Variants in MAF observed in about 807,000 individuals in gnomAD.
MAF encodes transcription factor Maf.
MAF carries 10 observed loss-of-function variants against 22.0 expected under a neutral mutation model. The ratio of observed to expected loss-of-function variants is 0.45; its 90% CI spans 0.28 to 0.77. MAF has a LOEUF of 0.77. MAF is among the 30% of genes least tolerant of loss of function. MAF has a pLI of 0.12. For synonymous variants in MAF, 337 were observed against 255.8 expected (o/e 1.32, Z -3.03); for missense variants, 544 against 548.4 (o/e 0.99, Z 0.08).
the MAF span, among the ~76,000 whole-genome samples, chr16:79,416,400 C>T: frequency 6.6e-6 from 1 of 151,602 alleles, no homozygotes; most frequent in Non-Finnish European, 1.5e-5. Context: ...AGGCTTTACT[C>T]TTACAAACTC....
At chr16:79,555,827 T>C in the MAF span, among the ~76,000 whole-genome samples, 1 of 152,128 alleles carries the variant, frequency 6.6e-6, no homozygotes, top group African/African-American at 2.4e-5. Flanking sequence ...ACCAAACAGA[T>C]AACACAGATA....
the MAF span, among the ~76,000 whole-genome samples, chr16:79,362,358 C>T: frequency 5.3e-5 from 8 of 152,146 alleles, no homozygotes; most frequent in Non-Finnish European, 1.2e-4. Context: ...CACACAGATG[C>T]CTTGAATATA....
chr16:79,512,073 C>T, the MAF span, among the ~76,000 whole-genome samples: 2 of 152,078 alleles, frequency 1.3e-5, no homozygotes, highest in African/African-American at 4.8e-5. Context: ...TTGATTATTC[C>T]CTGTGATGGC....
At chr16:79,379,530 C>G in the MAF span, among the ~76,000 whole-genome samples, 3 of 142,890 alleles carry the variant, frequency 2.1e-5, no homozygotes, top group African/African-American at 8.1e-5. Flanking sequence ...CACACACACA[C>G]AACTAGCGGG....
chr16:79,212,174 T>C, the MAF span: 1 of 1,478,886 alleles, frequency 6.8e-7, no homozygotes, highest in Non-Finnish European at 8.9e-7. Context: ...CGGCCACCAC[T>C]GCAGCCGGGG....
At chr16:79,246,539 TTGG>T in the MAF span, among the ~76,000 whole-genome samples, 1 of 57,246 alleles carries the variant, frequency 1.7e-5, no homozygotes, top group African/African-American at 8.3e-5. Context: ...CAGGTTTTTT[TTGG>T]GGGGGGTGTG....
At chr16:79,587,683 T>C (rs1912930334) in intron 1 of MAF, among the ~76,000 whole-genome samples, 2 of 152,156 alleles carry the variant, frequency 1.3e-5, no homozygotes, top group African/African-American at 4.8e-5. Flanking sequence ...GACCATATCA[T>C]TGATAGTCTC....
At chr16:79,517,032 T>A in the MAF span, among the ~76,000 whole-genome samples, 1 of 152,248 alleles carries the variant, frequency 6.6e-6, no homozygotes, top group African/African-American at 2.4e-5. Context: ...TTTTTTATTT[T>A]TTTTTTCTCC....
At chr16:79,558,677 A>C in the MAF span, among the ~76,000 whole-genome samples, 1 of 152,154 alleles carries the variant, frequency 6.6e-6, no homozygotes, top group Non-Finnish European at 1.5e-5. Context: ...GGCCCTGAGG[A>C]TACACCGTTG....
At chr16:79,557,549 C>G in the MAF span, among the ~76,000 whole-genome samples, 3 of 152,044 alleles carry the variant, frequency 2.0e-5, no homozygotes, top group Non-Finnish European at 4.4e-5. Context: ...TTACTACTTA[C>G]GTGGCCTTGG....
chr16:79,472,546 C>A, the MAF span, among the ~76,000 whole-genome samples: 180 of 152,156 alleles, frequency 1.2e-3, no homozygotes, highest in African/African-American at 4.2e-3. Flanking sequence ...GATTCCATCT[C>A]TTTAAAATGT....
chr16:79,277,678 C>A, the MAF span, among the ~76,000 whole-genome samples: 1 of 152,178 alleles, frequency 6.6e-6, no homozygotes, highest in Admixed American at 6.5e-5. Flanking sequence ...TCAAACTATC[C>A]CTTCCTCTCT....
At chr16:79,218,578 T>C in the MAF span, among the ~76,000 whole-genome samples, 1 of 152,220 alleles carries the variant, frequency 6.6e-6, no homozygotes, top group Non-Finnish European at 1.5e-5. Context: ...TACAACCTTA[T>C]CAACACAGGG....
the MAF span, among the ~76,000 whole-genome samples, chr16:79,301,327 T>G: frequency 6.6e-6 from 1 of 152,070 alleles, no homozygotes; most frequent in Admixed American, 6.6e-5. Context: ...AATATCCACT[T>G]CAAGCTGCGT....
At chr16:79,347,863 G>T in the MAF span, among the ~76,000 whole-genome samples, 1 of 152,110 alleles carries the variant, frequency 6.6e-6, no homozygotes, top group South Asian at 2.1e-4. Flanking sequence ...GAGAACAGTG[G>T]GTCAAGTGCA....
At chr16:79,336,817 G>T in the MAF span, among the ~76,000 whole-genome samples, 1 of 152,256 alleles carries the variant, frequency 6.6e-6, no homozygotes. Context: ...TGGAGAAGGG[G>T]ACCACCTTCT....
chr16:79,279,525 G>A, the MAF span, among the ~76,000 whole-genome samples: 1 of 152,204 alleles, frequency 6.6e-6, no homozygotes, highest in African/African-American at 2.4e-5. Flanking sequence ...GGCCAGGACA[G>A]AACAGAGATG....
chr16:79,567,565 A>G, the MAF span, among the ~76,000 whole-genome samples: 1 of 152,106 alleles, frequency 6.6e-6, no homozygotes, highest in African/African-American at 2.4e-5. Context: ...GTCTGTTTGT[A>G]TATTTTTCCT....
the MAF span, among the ~76,000 whole-genome samples, chr16:79,543,645 C>G: frequency 1.3e-5 from 2 of 151,398 alleles, no homozygotes; most frequent in African/African-American, 4.9e-5. Context: ...ATGTTTACAG[C>G]TGAACAATTT....
Sources: allele counts gnomAD v4.1 joint callset (sites outside exome capture counted in the v4.1 genomes callset), GRCh38; gene constraint gnomAD v4.1.1; transcripts MANE v1.5; gene names NCBI Gene and HGNC (gene_info 2026-07-23, HGNC 2026-07-21).